FAM227B: variants seen among roughly 807,000 people sequenced by gnomAD.
FAM227B encodes the protein protein FAM227B.
FAM227B carries 88 observed loss-of-function variants against 73.8 expected under a neutral mutation model. The ratio of observed to expected loss-of-function variants is 1.19; its 90% CI spans 1.00 to 1.42. The LOEUF is 1.42. FAM227B is among the 40% of genes most tolerant of loss of function. The pLI, the probability that FAM227B is intolerant of heterozygous loss-of-function variation, is 0.00. For missense variants in FAM227B, 632 were observed against 590.9 expected, an observed-to-expected ratio of 1.07 and a Z score of -0.72; for synonymous variants, 210 against 190.5, an observed-to-expected ratio of 1.10 and a Z score of -0.84.
chr15:49,347,302 T>C (rs2041648966), intron 13 of FAM227B, among the ~76,000 whole-genome samples: 1 of 152,202 alleles, frequency 6.6e-6, no homozygotes, highest in African/African-American at 2.4e-5. Context: ...AGTGACAACA[T>C]TTTTGAAGTA....
rs2049950689 is a variant in FAM227B, at chr15:49,424,416, T to C, written c.1013-53017A>G. The stretch of plus-strand genomic sequence containing the variant: ...TGCAATGACATGACTCCAGAGCAAA[T>C]GGCTACAAATGTGAACTGTTCCAGC... On this transcript the variant is annotated intron_variant, in intron 11 of 15. Coordinates refer to ENST00000299338, the MANE Select transcript of FAM227B (RefSeq NM_152647.3). 14 of 1,613,656 alleles carry C rather than the reference T, an allele frequency of 8.7e-6. No individual in the cohort carries two copies. In the East Asian group the frequency reaches 3.1e-4, roughly 36 times the overall value.
At chr15:49,539,325 T>A (rs72729174) in intron 10 of FAM227B, among the ~76,000 whole-genome samples, 6,142 of 152,244 alleles carry the variant, frequency 0.04, 187 homozygotes, top group Middle Eastern at 0.071. Context: ...TCTCTTTTTC[T>A]CCCATAGTGG....
intron 13 of FAM227B, among the ~76,000 whole-genome samples, chr15:49,353,075 T>A (rs1004717852): frequency 2.0e-5 from 3 of 152,144 alleles, no homozygotes; most frequent in African/African-American, 7.2e-5. Context: ...CTATGGTGAG[T>A]TGATGAAATG....
At chr15:49,366,550 A>C in intron 13 of FAM227B, 1 of 1,585,450 alleles carries the variant, frequency 6.3e-7, no homozygotes. Context: ...AATGGGGGTT[A>C]TAAAGCATGC....
intron 13 of FAM227B, among the ~76,000 whole-genome samples, chr15:49,351,640 G>A (rs907144887): frequency 6.6e-6 from 1 of 152,172 alleles, no homozygotes; most frequent in African/African-American, 2.4e-5. Flanking sequence ...CAGCGTGTAG[G>A]AGGCTTATTT....
intron 8 of FAM227B, among the ~76,000 whole-genome samples, chr15:49,570,977 C>T (rs936276774): frequency 7.4e-5 from 11 of 148,980 alleles, no homozygotes; most frequent in Admixed American, 6.7e-4. Flanking sequence ...TCCATTCATC[C>T]ATTGATGGAC....
intron 11 of FAM227B, among the ~76,000 whole-genome samples, chr15:49,397,755 T>C (rs1268787268): frequency 6.6e-6 from 1 of 152,054 alleles, no homozygotes; most frequent in East Asian, 1.9e-4. Context: ...CTAAGCTTCA[T>C]AAGTGAAGGA....
chr15:49,556,068 C>G (rs547408987), intron 9 of FAM227B, among the ~76,000 whole-genome samples: 125 of 152,246 alleles, frequency 8.2e-4, no homozygotes, highest in Non-Finnish European at 1.3e-3. Flanking sequence ...TCGAGTCTGA[C>G]AAGTGACCCG....
chr15:49,489,572 C>G (rs1366568158), intron 11 of FAM227B, among the ~76,000 whole-genome samples: 4 of 150,854 alleles, frequency 2.7e-5, no homozygotes, highest in Non-Finnish European at 3.0e-5. Flanking sequence ...GCTGCCCTAC[C>G]TCAAGAGAAT....
At chr15:49,522,990 T>G (rs573448809) in intron 10 of FAM227B, among the ~76,000 whole-genome samples, 2 of 151,446 alleles carry the variant, frequency 1.3e-5, no homozygotes, top group African/African-American at 4.9e-5. Flanking sequence ...GTAATCAGAC[T>G]CTCCATCTCT....
chr15:49,506,524 A>T (rs1387469200), intron 11 of FAM227B, among the ~76,000 whole-genome samples: 3 of 152,052 alleles, frequency 2.0e-5, no homozygotes, highest in Non-Finnish European at 4.4e-5. Flanking sequence ...TGGAATGTTC[A>T]CCAAGACAGA....
chr15:49,480,586 A>G lies in FAM227B; in HGVS notation c.1012+27625T>C, dbSNP rs1264406532. Among the ~76,000 whole-genome samples the G allele has an allele frequency of 6.0e-5, 9 of 150,608 alleles. 1 individual carries two copies. The highest frequency in any genetic ancestry group is 4.7e-4 in the Admixed American group (7 of 15,024). ...AGCCTCCGCCTTCTGGGTTCATGCA[A>G]TTCTCCTGCTTCAGCCTCCTGAGTA... On this transcript the variant is annotated intron_variant, in intron 11 of 15. Coordinates refer to ENST00000299338, the MANE Select transcript of FAM227B (RefSeq NM_152647.3).
Position 49,329,310 on chromosome 15 carries a change from T to G in FAM227B, c.1420-635A>C, listed in dbSNP as rs185268010. 20 of 985,438 alleles carry G rather than the reference T, an allele frequency of 2.0e-5. No homozygotes were observed. The East Asian group carries it at 2.0e-3, about 101-fold the overall frequency. 61.0% of individuals were successfully genotyped at this position (985,438 alleles called of 1,614,324 possible). A position where few individuals can be genotyped will look rare whatever the true frequency, so the allele number is the denominator to read the frequency against. ...CTGGCTTTCTCTTGTGGATGGACTA[T>G]AGGAAGCACTTTCTGAATTATGTAA... On this transcript the variant is annotated intron_variant, in intron 15 of 15. Coordinates refer to ENST00000299338, the MANE Select transcript of FAM227B (RefSeq NM_152647.3).
chr15:49,424,596 A>G (rs750784831), intron 11 of FAM227B: 3 of 1,550,172 alleles, frequency 1.9e-6, no homozygotes, highest in Non-Finnish European at 2.6e-6. Context: ...AAGTAATTTT[A>G]AGTACTGCTC....
At chr15:49,588,494 T>C (rs1234363802) in intron 4 of FAM227B, among the ~76,000 whole-genome samples, 2 of 130,204 alleles carry the variant, frequency 1.5e-5, no homozygotes, top group East Asian at 4.7e-4. Flanking sequence ...GGCTCTGAAG[T>C]CAGATAACCG....
intron 1 of FAM227B, among the ~76,000 whole-genome samples, chr15:49,617,136 GCTTT>G: frequency 6.6e-6 from 1 of 152,076 alleles, no homozygotes; most frequent in East Asian, 1.9e-4. Context: ...ACACCATGAG[GCTTT>G]CTATCACCAT....
At chr15:49,396,908 A>G (rs1409207181) in intron 11 of FAM227B, among the ~76,000 whole-genome samples, 4 of 152,220 alleles carry the variant, frequency 2.6e-5, no homozygotes, top group African/African-American at 9.6e-5. Context: ...AAAACAGAAC[A>G]GAAAAACTGG....
chr15:49,345,337 C>T (rs1359256368), intron 13 of FAM227B, among the ~76,000 whole-genome samples: 3 of 152,086 alleles, frequency 2.0e-5, no homozygotes, highest in Non-Finnish European at 2.9e-5. Flanking sequence ...CATGGTTGTA[C>T]ATTTGTGCTG....
At chr15:49,543,673 C>T (rs1027353677) in intron 9 of FAM227B, among the ~76,000 whole-genome samples, 1 of 151,932 alleles carries the variant, frequency 6.6e-6, no homozygotes, top group African/African-American at 2.4e-5. Context: ...CTTCAGTTGA[C>T]TTTTGTATAA....
Sources: gnomAD v4.1 joint callset for allele counts (sites outside exome capture counted in the v4.1 genomes callset) on GRCh38, gnomAD v4.1.1 for gene constraint, MANE v1.5 for transcripts, NCBI Gene and HGNC (gene_info 2026-07-23, HGNC 2026-07-21) for gene names.